The following ARMC2 variants were observed in gnomAD, a reference collection of about 807,000 sequenced individuals.
ARMC2 encodes the protein armadillo repeat-containing protein 2.
A neutral mutation model predicts 90.3 loss-of-function variants in ARMC2; 67 were observed. That is an observed-to-expected ratio of 0.74 (90% CI 0.61 to 0.91). The LOEUF (loss-of-function observed/expected upper bound fraction) is 0.91. Among genes scored for constraint, ARMC2 ranks in the 40% least tolerant of loss-of-function variants. The pLI, the probability that ARMC2 is intolerant of heterozygous loss-of-function variation, is 0.00. For missense variants in ARMC2, 920 were observed against 1,030.9 expected (o/e 0.89, Z 1.47); for synonymous variants, 393 against 393.0 (o/e 1.00, Z 0.00).
intron 12 of ARMC2, among the ~76,000 whole-genome samples, chr6:108,951,404 G>A (rs775570517): frequency 3.3e-5 from 5 of 152,154 alleles, no homozygotes; most frequent in African/African-American, 9.7e-5. Context: ...CTAATTGGAC[G>A]ACCACTATGG....
At chr6:108,951,840 G>C (rs572824954) in intron 12 of ARMC2, among the ~76,000 whole-genome samples, 1 of 152,220 alleles carries the variant, frequency 6.6e-6, no homozygotes, top group Non-Finnish European at 1.5e-5. Context: ...GTTTATGGTC[G>C]TCCCTTCTGG....
intron 3 of ARMC2, among the ~76,000 whole-genome samples, chr6:108,867,264 G>A (rs1426837441): frequency 3.3e-5 from 5 of 152,190 alleles, no homozygotes; most frequent in African/African-American, 1.2e-4. Context: ...GAGTCACCCT[G>A]TGAGGGTCTG....
At chr6:108,964,590 A>G (rs1447759149) in intron 16 of ARMC2, among the ~76,000 whole-genome samples, 1 of 152,180 alleles carries the variant, frequency 6.6e-6, no homozygotes, top group Non-Finnish European at 1.5e-5. Context: ...CCTGGCCAAC[A>G]TGGTGAAACC....
At chr6:108,852,813 A>T (rs1202535438) in intron 1 of ARMC2, among the ~76,000 whole-genome samples, 2 of 152,200 alleles carry the variant, frequency 1.3e-5, no homozygotes, top group Admixed American at 1.3e-4. Flanking sequence ...ATAATTTCTT[A>T]CTGCAATAGG....
chr6:109,007,785 C>CTTTTTTTTTT, the ARMC2 span, among the ~76,000 whole-genome samples: 1 of 103,352 alleles, frequency 9.7e-6, no homozygotes, highest in Admixed American at 1.0e-4. Flanking sequence ...AGTCCAGGTA[C>CTTTTTTTTTT]TTTTTTTTTT....
At chr6:109,042,003 T>C in the ARMC2 span, among the ~76,000 whole-genome samples, 1 of 152,142 alleles carries the variant, frequency 6.6e-6, no homozygotes, top group Non-Finnish European at 1.5e-5. Context: ...GTATGTGTTC[T>C]CTGATCATAA....
At chr6:109,018,743 G>C in the ARMC2 span, among the ~76,000 whole-genome samples, 1 of 152,088 alleles carries the variant, frequency 6.6e-6, no homozygotes, top group African/African-American at 2.4e-5. Context: ...AGCGTATCTT[G>C]AGAATGCAAG....
chr6:108,864,666 T>A (rs1203248623), intron 3 of ARMC2, among the ~76,000 whole-genome samples: 2 of 152,130 alleles, frequency 1.3e-5, no homozygotes, highest in East Asian at 3.9e-4. Context: ...CTTTCTGGGG[T>A]GAGATGTCCT....
intron 12 of ARMC2, among the ~76,000 whole-genome samples, chr6:108,947,598 G>C (rs1485104375): frequency 6.6e-6 from 1 of 152,098 alleles, no homozygotes; most frequent in African/African-American, 2.4e-5. Context: ...CAGGCTTGTG[G>C]GGCCCATTCA....
At chr6:108,968,745 C>T (rs1419521122) in intron 17 of ARMC2, among the ~76,000 whole-genome samples, 1 of 152,158 alleles carries the variant, frequency 6.6e-6, no homozygotes, top group Non-Finnish European at 1.5e-5. Context: ...GTTGAATTAC[C>T]AAGGCCTGTG....
chr6:108,906,942 A>G (rs1199208944), intron 8 of ARMC2, among the ~76,000 whole-genome samples: 1 of 152,204 alleles, frequency 6.6e-6, no homozygotes, highest in Non-Finnish European at 1.5e-5. Context: ...GGAAAGGGAG[A>G]GTAACAGGGA....
chr6:108,957,185 A>G (rs762943256), intron 13 of ARMC2, among the ~76,000 whole-genome samples: 4 of 152,186 alleles, frequency 2.6e-5, no homozygotes, highest in Non-Finnish European at 4.4e-5. Flanking sequence ...TCCCTTCTCT[A>G]TTCTCTCCTG....
chr6:108,886,332 C>A, intron 5 of ARMC2, among the ~76,000 whole-genome samples: 1 of 152,128 alleles, frequency 6.6e-6, no homozygotes, highest in East Asian at 1.9e-4. Flanking sequence ...CCAAGGTGGG[C>A]GAATCACCTG....
intron 12 of ARMC2, among the ~76,000 whole-genome samples, chr6:108,945,284 C>T (rs901060825): frequency 2.6e-5 from 4 of 152,136 alleles, no homozygotes; most frequent in East Asian, 1.9e-4. Flanking sequence ...CAGGAAAATA[C>T]ATTTGGGTTT....
Position 108,910,928 on chromosome 6 carries a change from T to C in ARMC2, c.1053T>C (p.Asn351=). 1.3e-6 allele frequency: 2 copies of C among 1,574,210 alleles called. No homozygotes were observed. Among genetic ancestry groups the C allele is most frequent in the Non-Finnish European group, 1.7e-6 (2 of 1,158,056 alleles). ...ALKVSRKNLL[N]VCKLIFKISR... The stretch of plus-strand genomic sequence containing the variant: ...AAGTGAGTAGAAAGAATCTTCTTAA[T>C]GTCTGCAAACTTATATTTAAAATTA... Residue 351 remains asparagine, a synonymous_variant, in exon 9 of 18, where the codon AAT becomes AAC. Transcript: ENST00000392644.
At position 108,858,282 on chromosome 6, in the gene ARMC2, T is replaced by C. The variant is rs1250061905; in HGVS notation, c.291+11T>C. 5.7e-6 allele frequency: 9 copies of C among 1,586,320 alleles called. No homozygotes were observed. In the East Asian group the frequency reaches 6.7e-5, roughly 12 times the overall value. On this transcript the variant is annotated intron_variant, in intron 3 of 17. Transcript: ENST00000392644. ...AGTCCACTAGAGCTGGTGAGTACTT[T>C]GTATAACCACCAGTAATTTATATTA...
At chr6:109,006,405 T>G in the ARMC2 span, among the ~76,000 whole-genome samples, 3 of 152,022 alleles carry the variant, frequency 2.0e-5, no homozygotes, top group South Asian at 6.2e-4. Flanking sequence ...CCCATTAACT[T>G]GTCATTTACA....
chr6:109,001,972 A>G, the ARMC2 span, among the ~76,000 whole-genome samples: 1 of 152,224 alleles, frequency 6.6e-6, no homozygotes. Context: ...AGACTAAGTA[A>G]CTCAGGTTAT....
chr6:108,999,400 T>C, the ARMC2 span, among the ~76,000 whole-genome samples: 10 of 152,320 alleles, frequency 6.6e-5, no homozygotes, highest in African/African-American at 2.4e-4. Context: ...TATCTAATAG[T>C]ATCTATTCTA....
Sources: allele counts gnomAD v4.1 joint callset (sites outside exome capture counted in the v4.1 genomes callset), GRCh38; gene constraint gnomAD v4.1.1; transcripts MANE v1.5; gene names NCBI Gene and HGNC (gene_info 2026-07-23, HGNC 2026-07-21).